XKR6: variants seen among roughly 807,000 people sequenced by gnomAD.
XKR6 encodes the protein XK-related protein 6.
XKR6 carries 22 observed loss-of-function variants against 56.7 expected under a neutral mutation model. That is an observed-to-expected ratio of 0.39 (90% CI 0.28 to 0.55). XKR6 has a LOEUF of 0.55. Ranked by LOEUF, XKR6 falls within the 20% of genes least tolerant of loss-of-function variation. XKR6 has a pLI of 0.66. For missense variants in XKR6, 852 were observed against 889.0 expected, an observed-to-expected ratio of 0.96 and a Z score of 0.53; for synonymous variants, 524 against 387.8, an observed-to-expected ratio of 1.35 and a Z score of -4.13.
intron 2 of XKR6, among the ~76,000 whole-genome samples, chr8:10,913,784 A>G (rs1800477797): frequency 6.6e-6 from 1 of 152,188 alleles, no homozygotes; most frequent in Non-Finnish European, 1.5e-5. Flanking sequence ...AAGGCTGCAG[A>G]GGTTCCCGAT....
At chr8:10,973,614 C>T (rs889364621) in intron 1 of XKR6, among the ~76,000 whole-genome samples, 1 of 151,960 alleles carries the variant, frequency 6.6e-6, no homozygotes, top group Non-Finnish European at 1.5e-5. Context: ...TTAAAAGTCC[C>T]TGTTGCCCAG....
chr8:11,096,630 C>G (rs1309166741), intron 1 of XKR6, among the ~76,000 whole-genome samples: 1 of 152,198 alleles, frequency 6.6e-6, no homozygotes, highest in African/African-American at 2.4e-5. Flanking sequence ...GTCAAGCAGC[C>G]TTTTCCTGGA....
intron 1 of XKR6, among the ~76,000 whole-genome samples, chr8:11,136,409 C>T (rs1234249748): frequency 6.6e-6 from 1 of 151,104 alleles, no homozygotes; most frequent in Non-Finnish European, 1.5e-5. Flanking sequence ...AAGGTTGAGG[C>T]AGGAGAATCG....
At chr8:10,985,150 G>C (rs937135179) in intron 1 of XKR6, among the ~76,000 whole-genome samples, 3 of 152,044 alleles carry the variant, frequency 2.0e-5, no homozygotes, top group African/African-American at 7.2e-5. Flanking sequence ...ATACGGTTTT[G>C]CTGTGTCCCC....
At chr8:10,964,551 G>C (rs990674866) in intron 1 of XKR6, among the ~76,000 whole-genome samples, 1 of 152,154 alleles carries the variant, frequency 6.6e-6, no homozygotes, top group African/African-American at 2.4e-5. Flanking sequence ...AGCGAAAATG[G>C]CATCTCAACC....
chr8:11,033,303 G>A (rs891916969), intron 1 of XKR6, among the ~76,000 whole-genome samples: 2 of 149,736 alleles, frequency 1.3e-5, no homozygotes, highest in Non-Finnish European at 2.9e-5. Flanking sequence ...TGATGGTGGT[G>A]GTGATGATGA....
chr8:11,028,235 C>T (rs980292326), intron 1 of XKR6, among the ~76,000 whole-genome samples: 3 of 152,098 alleles, frequency 2.0e-5, no homozygotes, highest in East Asian at 1.9e-4. Flanking sequence ...TTCAGGGTGG[C>T]GTCCTTCACT....
rs184135079 is a variant in XKR6 at position 11,023,794 on chromosome 8, G to A, written c.765-98964C>T. Among the ~76,000 whole-genome samples, 456 of 152,288 alleles carry A rather than the reference G, an allele frequency of 3.0e-3. 3 individuals carry two copies. The highest frequency in any genetic ancestry group is 4.8e-3 in the Non-Finnish European group (329 of 68,026). On this transcript the variant is annotated intron_variant, in intron 1 of 2. Transcript: ENST00000416569. ...TCTCACCTGCTGCGGAGCCACCTGCGGTGCTGACTGTCCCCTCCTGAACCC... is the reference window on the plus strand; with the variant it reads ...TCTCACCTGCTGCGGAGCCACCTGCAGTGCTGACTGTCCCCTCCTGAACCC...
At chr8:11,156,626 T>C (rs535579819) in intron 1 of XKR6, among the ~76,000 whole-genome samples, 1 of 152,314 alleles carries the variant, frequency 6.6e-6, no homozygotes, top group Non-Finnish European at 1.5e-5. Flanking sequence ...ATTAGCACAG[T>C]ATCTAACATA....
At chr8:11,013,196 C>T (rs1422269682) in intron 1 of XKR6, among the ~76,000 whole-genome samples, 4 of 152,196 alleles carry the variant, frequency 2.6e-5, no homozygotes, top group African/African-American at 9.7e-5. Context: ...TCTATATCTT[C>T]ATTGTACAGA....
At chr8:11,067,717 C>A (rs1481789562) in intron 1 of XKR6, among the ~76,000 whole-genome samples, 1 of 152,242 alleles carries the variant, frequency 6.6e-6, no homozygotes, top group Non-Finnish European at 1.5e-5. Context: ...CCTCCCCAAA[C>A]TCCCTGAAGC....
At chr8:10,959,803 C>A (rs553366101) in intron 1 of XKR6, among the ~76,000 whole-genome samples, 27 of 152,332 alleles carry the variant, frequency 1.8e-4, no homozygotes, top group African/African-American at 5.3e-4. Flanking sequence ...ACAGACACCA[C>A]CTTGCGCCCT....
chr8:11,087,475 G>C (rs1003761154), intron 1 of XKR6, among the ~76,000 whole-genome samples: 1 of 152,188 alleles, frequency 6.6e-6, no homozygotes. Context: ...GTTTGGCCAA[G>C]GAGACATGGA....
intron 1 of XKR6, chr8:11,137,231 G>A (rs1053113343): frequency 4.1e-6 from 1 of 242,622 alleles, no homozygotes; most frequent in Non-Finnish European, 8.0e-6. Flanking sequence ...GCTGTATGTG[G>A]TGAGGAAAGC....
intron 1 of XKR6, among the ~76,000 whole-genome samples, chr8:11,081,949 G>A (rs1398641635): frequency 1.3e-5 from 2 of 152,310 alleles, no homozygotes; most frequent in East Asian, 1.9e-4. Context: ...GGTGGTTCAC[G>A]GTTCTGTTCC....
At chr8:11,071,711 G>C (rs1200808867) in intron 1 of XKR6, among the ~76,000 whole-genome samples, 8 of 152,028 alleles carry the variant, frequency 5.3e-5, no homozygotes, top group African/African-American at 1.9e-4. Flanking sequence ...GAGTCTATGA[G>C]CCCCAAGTCT....
intron 1 of XKR6, among the ~76,000 whole-genome samples, chr8:11,181,872 A>G (rs1276103719): frequency 1.3e-5 from 2 of 151,470 alleles, no homozygotes; most frequent in Non-Finnish European, 2.9e-5. Context: ...TTTCTCTTGG[A>G]GACAGGGTCT....
chr8:11,115,813 G>T lies in XKR6; in HGVS notation c.764+84763C>A, dbSNP rs146020796. On this transcript the variant is annotated intron_variant, in intron 1 of 2. Transcript: ENST00000416569. ...TTCACAAAAAAATCTGCAACCTCCA[G>T]CATAAATGGGTTAAAACCAGAAGAA... Among the ~76,000 whole-genome samples, 7 of 152,260 alleles carry T rather than the reference G, an allele frequency of 4.6e-5. No homozygotes were observed. In the East Asian group the frequency reaches 1.3e-3, roughly 29 times the overall value.
chr8:11,063,400 AGGT>A (rs1320782036), intron 1 of XKR6, among the ~76,000 whole-genome samples: 1 of 151,696 alleles, frequency 6.6e-6, no homozygotes, highest in African/African-American at 2.4e-5. Context: ...TGGGAGGCTG[AGGT>A]GGGAGGATCA....
Sources: gnomAD v4.1 joint callset for allele counts (sites outside exome capture counted in the v4.1 genomes callset) on GRCh38, gnomAD v4.1.1 for gene constraint, MANE v1.5 for transcripts, NCBI Gene and HGNC (gene_info 2026-07-23, HGNC 2026-07-21) for gene names.